Variants in CLOCK observed in about 807,000 individuals in gnomAD.
CLOCK encodes the protein circadian locomoter output cycles protein kaput.
Under a neutral mutation model 118.4 loss-of-function variants are expected in CLOCK, and 43 were observed. The ratio of observed to expected loss-of-function variants is 0.36; its 90% confidence interval spans 0.28 to 0.47. CLOCK has a LOEUF of 0.47. Among genes scored for constraint, CLOCK ranks in the 20% least tolerant of loss-of-function variants. The pLI is 1.00. For synonymous variants in CLOCK, 326 were observed against 339.2 expected (o/e 0.96, Z 0.43); for missense variants, 846 against 999.9 (o/e 0.85, Z 2.08).
Position 55,429,304 on chromosome 4 carries a change from T to TG in CLOCK, c.*6110_*6111insC, listed in dbSNP as rs1722367614. The TG allele has an allele frequency of 6.6e-6, 1 of 152,230 alleles. No homozygotes were observed. Among genetic ancestry groups the TG allele is most frequent in the Admixed American group, 6.5e-5 (1 of 15,272 alleles). 9.4% of individuals were successfully genotyped at this position (152,230 alleles called of 1,614,324 possible). On this transcript the variant is annotated 3_prime_UTR_variant, in exon 23 of 23. Coordinates refer to ENST00000513440, the MANE Select transcript of CLOCK (RefSeq NM_004898.4). ...AAATTCAATTGTGGTTGACGTGCTTTAACTACCGTTCTCTAAGTTGTGTGC... is the reference window on the plus strand; with the variant it reads ...AAATTCAATTGTGGTTGACGTGCTTTGAACTACCGTTCTCTAAGTTGTGTGC...
intron 1 of CLOCK, among the ~76,000 whole-genome samples, chr4:55,519,123 T>C (rs1469235652): frequency 2.0e-5 from 3 of 152,182 alleles, no homozygotes; most frequent in Admixed American, 6.5e-5. Context: ...GCAATCATAA[T>C]TGACTACCGC....
chr4:55,540,501 T>A (rs1192394079), intron 1 of CLOCK: 1 of 152,170 alleles, frequency 6.6e-6, no homozygotes, highest in Non-Finnish European at 1.5e-5. Flanking sequence ...CCTTTATTGG[T>A]ATATCCCCCA....
chr4:55,514,477 A>C lies in CLOCK; in HGVS notation c.-289-4412T>G, dbSNP rs140164063. On this transcript the variant is annotated intron_variant, in intron 1 of 22. Coordinates refer to ENST00000513440, the MANE Select transcript of CLOCK (RefSeq NM_004898.4). ...TACAGAGTTGTGCAACTATCACTACAATCTAATTTTAGAACATTTTTATCC... is the reference window on the plus strand; with the variant it reads ...TACAGAGTTGTGCAACTATCACTACCATCTAATTTTAGAACATTTTTATCC... Among the ~76,000 whole-genome samples, 60 of 150,648 alleles carry C rather than the reference A, an allele frequency of 4.0e-4. No homozygotes were observed. The East Asian group carries it at 9.7e-3, about 24-fold the overall frequency.
Position 55,462,844 on chromosome 4 carries a change from T to TTGTGTA in CLOCK, c.559+840_559+841insTACACA, listed in dbSNP as rs1553893962. Among the ~76,000 whole-genome samples the TTGTGTA allele has an allele frequency of 3.3e-5, 5 of 151,446 alleles. No homozygotes were observed. In the East Asian group the frequency reaches 9.7e-4, roughly 29 times the overall value. ...ACCAAAGTTATAGATACACACAGAT[T>TTGTGTA]TGTGTGAGTGTGTGTGTGTGTGTAT... On this transcript the variant is annotated intron_variant, in intron 9 of 22. Transcript: ENST00000513440.
Position 55,463,120 on chromosome 4 carries a change from A to G in CLOCK, c.559+565T>C, listed in dbSNP as rs17085777. On this transcript the variant is annotated intron_variant, in intron 9 of 22. Transcript: ENST00000513440. ...GGACCTAGTAGAAATGTCTGATTCT[A>G]CCATAATATGTTGTGTATCTTGATG... is the stretch of plus-strand genomic sequence containing the variant. 2.4e-3 allele frequency among the ~76,000 whole-genome samples: 358 copies of G among 152,298 alleles called. 2 individuals are homozygous for G. The highest frequency in any genetic ancestry group is 7.7e-3 in the African/African-American group (320 of 41,572).
At chr4:55,515,438 A>G (rs1199624072) in intron 1 of CLOCK, among the ~76,000 whole-genome samples, 4 of 152,080 alleles carry the variant, frequency 2.6e-5, no homozygotes. Flanking sequence ...GCAGTGGCAC[A>G]ATCTCGGCTC....
chr4:55,510,508 T>A (rs1378791242), intron 1 of CLOCK, among the ~76,000 whole-genome samples: 1 of 151,444 alleles, frequency 6.6e-6, no homozygotes, highest in Non-Finnish European at 1.5e-5. Context: ...GCACCTATAA[T>A]CCCAGCTACT....
At chr4:55,491,671 T>C (rs752004318) in intron 2 of CLOCK, among the ~76,000 whole-genome samples, 7 of 152,134 alleles carry the variant, frequency 4.6e-5, no homozygotes, top group Non-Finnish European at 8.8e-5. Context: ...TTATTCATAA[T>C]GGTCTAAAAC....
rs1292546873 is a variant in CLOCK at position 55,493,657 on chromosome 4, A to G, written c.-135-4192T>C. 5.3e-5 allele frequency among the ~76,000 whole-genome samples: 8 copies of G among 152,374 alleles called. No individual in the cohort carries two copies. In the East Asian group the frequency reaches 1.3e-3, roughly 26 times the overall value. Reference sequence around the variant, plus strand: ...GTACGAGGAAAAAATGAAATTAAACAGTGGTTCTCAATTTATTCAATATTG... The same window carrying G: ...GTACGAGGAAAAAATGAAATTAAACGGTGGTTCTCAATTTATTCAATATTG... On this transcript the variant is annotated intron_variant, in intron 2 of 22. Coordinates refer to ENST00000513440, the MANE Select transcript of CLOCK (RefSeq NM_004898.4).
intron 1 of CLOCK, among the ~76,000 whole-genome samples, chr4:55,525,545 C>G (rs1730125831): frequency 6.6e-6 from 1 of 152,004 alleles, no homozygotes; most frequent in African/African-American, 2.4e-5. Context: ...TCTTGTTGCC[C>G]AGGCTGGAGT....
intron 4 of CLOCK, among the ~76,000 whole-genome samples, chr4:55,480,969 G>A (rs988723219): frequency 6.6e-6 from 1 of 151,952 alleles, no homozygotes; most frequent in Non-Finnish European, 1.5e-5. Flanking sequence ...GGTTAGTGGG[G>A]GACACGTGAG....
intron 1 of CLOCK, chr4:55,540,501 T>TA (rs948240940): frequency 3.3e-5 from 5 of 152,170 alleles, no homozygotes; most frequent in African/African-American, 1.2e-4. Context: ...CCTTTATTGG[T>TA]ATATCCCCCA....
At chr4:55,464,508 G>A (rs988971844) in intron 8 of CLOCK, among the ~76,000 whole-genome samples, 1 of 152,082 alleles carries the variant, frequency 6.6e-6, no homozygotes, top group African/African-American at 2.4e-5. Flanking sequence ...TTGCCACTAC[G>A]CATTCTACCT....
intron 6 of CLOCK, 62 bp from the exon 7 acceptor site, chr4:55,476,116 C>G (rs1726494902): frequency 2.9e-6 from 3 of 1,048,074 alleles, no homozygotes; most frequent in Non-Finnish European, 4.5e-6. Context: ...AAAAGCCCTA[C>G]AAGTTATCTT....
intron 2 of CLOCK, among the ~76,000 whole-genome samples, chr4:55,498,031 C>T (rs1199118398): frequency 6.6e-6 from 1 of 151,654 alleles, no homozygotes; most frequent in Admixed American, 6.6e-5. Context: ...ACTATAAATC[C>T]TCTAGGGACC....
At chr4:55,522,846 A>G (rs1363650779) in intron 1 of CLOCK, among the ~76,000 whole-genome samples, 1 of 152,212 alleles carries the variant, frequency 6.6e-6, no homozygotes, top group East Asian at 1.9e-4. Context: ...ACTAACTCTA[A>G]GCTTGAAAGC....
chr4:55,481,389 A>G (rs1400543191), intron 4 of CLOCK, among the ~76,000 whole-genome samples: 1 of 152,230 alleles, frequency 6.6e-6, no homozygotes, highest in African/African-American at 2.4e-5. Flanking sequence ...CTGAAAATAC[A>G]AATGTCATCC....
Position 55,437,068 on chromosome 4 carries a change from T to C in CLOCK, c.2361+1214A>G, listed in dbSNP as rs1189882725. The stretch of plus-strand genomic sequence containing the variant: ...TAGAACTTGTTTTAAATTGTTGTTA[T>C]TTCTTTATTTGTAATAGTAGCTACC... On this transcript the variant is annotated intron_variant, in intron 22 of 22. Coordinates refer to ENST00000513440, the MANE Select transcript of CLOCK (RefSeq NM_004898.4). Among the ~76,000 whole-genome samples the C allele has an allele frequency of 3.3e-5, 5 of 152,172 alleles. No individual in the cohort carries two copies. In the East Asian group the frequency reaches 7.7e-4, roughly 23 times the overall value.
intron 2 of CLOCK, among the ~76,000 whole-genome samples, chr4:55,503,105 AAACAGCCAGATACCTTAAGACCC>A (rs1309528909): frequency 6.6e-6 from 1 of 152,224 alleles, no homozygotes; most frequent in East Asian, 1.9e-4. Context: ...TCCTAAAGCT[AAACAGCCAGATACCTTAAGACCC>A]AGCAATTTCA....
Sources: allele counts gnomAD v4.1 joint callset (sites outside exome capture counted in the v4.1 genomes callset), GRCh38; gene constraint gnomAD v4.1.1; transcripts MANE v1.5; gene names NCBI Gene and HGNC (gene_info 2026-07-23, HGNC 2026-07-21).